Variants in DOK5 observed in about 807,000 individuals in gnomAD.
The protein encoded by DOK5 is docking protein 5.
Under a neutral mutation model 43.3 loss-of-function variants are expected in DOK5, and 27 were observed. The ratio of observed to expected loss-of-function variants is 0.62; its 90% CI spans 0.46 to 0.86. The LOEUF (loss-of-function observed/expected upper bound fraction) is 0.86. Ranked by LOEUF, DOK5 falls within the 40% of genes least tolerant of loss-of-function variation. The pLI, the probability that DOK5 is intolerant of heterozygous loss-of-function variation, is 0.00. For missense variants in DOK5, 373 were observed against 392.9 expected (o/e 0.95, Z 0.43); for synonymous variants, 146 against 140.1 (o/e 1.04, Z -0.30).
At position 54,591,760 on chromosome 20, in the gene DOK5, G is replaced by T; in HGVS notation, c.554G>T (p.Arg185Leu). 6.2e-7 allele frequency: 1 copy of T among 1,614,142 alleles called. No individual in the cohort carries two copies. Among genetic ancestry groups the T allele is most frequent in the Non-Finnish European group, 8.5e-7 (1 of 1,180,018 alleles). ...ATCTCTTGGCCGCTAAGCGCCCTGC[G>T]GCGGTATGGACGTGATACTACGTGG... The part of the protein sequence containing the change: ...KLISWPLSAL[R>L]RYGRDTTWFT... The change falls in exon 5 of 8, where the codon CGG becomes CTG. Residue 185 changes from arginine (R) to leucine (L), a missense_variant. Transcript: ENST00000262593.
intron 6 of DOK5, among the ~76,000 whole-genome samples, chr20:54,613,637 T>A (rs1395677949): frequency 1.3e-5 from 2 of 152,218 alleles, no homozygotes; most frequent in African/African-American, 2.4e-5. Context: ...TCTTTAAATA[T>A]CATCTGCAAC....
At chr20:54,619,495 G>A (rs1383408780) in intron 6 of DOK5, among the ~76,000 whole-genome samples, 1 of 152,172 alleles carries the variant, frequency 6.6e-6, no homozygotes, top group Non-Finnish European at 1.5e-5. Flanking sequence ...TTCCTTCAAG[G>A]CGAGAGCCTC....
intron 2 of DOK5, among the ~76,000 whole-genome samples, chr20:54,585,149 T>C (rs1038088707): frequency 6.7e-6 from 1 of 148,378 alleles, no homozygotes; most frequent in Non-Finnish European, 1.5e-5. Flanking sequence ...CTTGTGTGTG[T>C]TGTGTATGTG....
intron 7 of DOK5, among the ~76,000 whole-genome samples, chr20:54,645,274 G>A (rs1014345694): frequency 1.4e-5 from 2 of 146,330 alleles, no homozygotes; most frequent in East Asian, 4.1e-4. Context: ...AGTCCTCCAT[G>A]CCCGCTCTGA....
chr20:54,511,270 A>G (rs886138842), intron 1 of DOK5, among the ~76,000 whole-genome samples: 1 of 152,196 alleles, frequency 6.6e-6, no homozygotes, highest in Non-Finnish European at 1.5e-5. Context: ...CTGTTGTATC[A>G]AGCAGGATAC....
intron 1 of DOK5, among the ~76,000 whole-genome samples, chr20:54,476,575 G>C (rs1981437072): frequency 6.6e-6 from 1 of 152,112 alleles, no homozygotes; most frequent in Non-Finnish European, 1.5e-5. Flanking sequence ...GGCCAACTTG[G>C]GTAGATACTT....
chr20:54,500,861 C>T (rs1018001115), intron 1 of DOK5, among the ~76,000 whole-genome samples: 2 of 151,998 alleles, frequency 1.3e-5, no homozygotes, highest in Non-Finnish European at 2.9e-5. Context: ...CGCACCCGGC[C>T]GTGTATATTT....
intron 6 of DOK5, among the ~76,000 whole-genome samples, chr20:54,622,941 G>C (rs773538014): frequency 6.6e-6 from 1 of 152,090 alleles, no homozygotes; most frequent in Non-Finnish European, 1.5e-5. Context: ...TTTTTGAAAT[G>C]GTGGTAGCAG....
At chr20:54,647,598 G>T (rs940591233) in intron 7 of DOK5, among the ~76,000 whole-genome samples, 1 of 151,838 alleles carries the variant, frequency 6.6e-6, no homozygotes, top group Non-Finnish European at 1.5e-5. Flanking sequence ...GATTCTTTTA[G>T]GAATGCATTG....
In DOK5 at chr20:54,532,654, C is replaced by T. The variant is rs568275805; in HGVS notation, c.67-22279C>T. 2.0e-5 allele frequency among the ~76,000 whole-genome samples: 3 copies of T among 152,224 alleles called. No homozygotes were observed. The East Asian group carries it at 5.8e-4, about 29-fold the overall frequency. ...TGCCGGGACTGCTGCTGTTCTCAGC[C>T]TCTGTTTTGTTTCTTTTCATACTGA... On this transcript the variant is annotated intron_variant, in intron 1 of 7. Coordinates refer to ENST00000262593, the MANE Select transcript of DOK5 (RefSeq NM_018431.5).
At chr20:54,607,881 TAAAACAAAACAAAAC>T (rs146059505) in intron 5 of DOK5, among the ~76,000 whole-genome samples, 21 of 122,518 alleles carry the variant, frequency 1.7e-4, no homozygotes, top group South Asian at 4.3e-4. Context: ...AGACTCCATC[TAAAACAAAACAAAAC>T]AAAACAAAAC....
intron 5 of DOK5, among the ~76,000 whole-genome samples, chr20:54,607,512 C>T (rs1335592985): frequency 6.6e-6 from 1 of 151,678 alleles, no homozygotes; most frequent in Non-Finnish European, 1.5e-5. Context: ...GTTTTGGTTT[C>T]ATTTGTTTTT....
chr20:54,506,213 G>T lies in DOK5; in HGVS notation c.66+30201G>T, dbSNP rs146009762. On this transcript the variant is annotated intron_variant, in intron 1 of 7. Transcript: ENST00000262593. ...AGGAAGACTTTGATACTTTGACTTG[G>T]TCAACTGCAGGAATGGGATTACCAT... Among the ~76,000 whole-genome samples the T allele has an allele frequency of 9.5e-3, 1,452 of 152,248 alleles. 8 individuals carry two copies. The highest frequency in any genetic ancestry group is 0.061 in the Middle Eastern group (18 of 294).
intron 6 of DOK5, among the ~76,000 whole-genome samples, chr20:54,620,691 A>G (rs1986950382): frequency 6.6e-6 from 1 of 152,184 alleles, no homozygotes; most frequent in Non-Finnish European, 1.5e-5. Flanking sequence ...TTTATTCAAC[A>G]GTAGTGCTTC....
At chr20:54,563,664 G>GTTTTTTTTTTTTTTTTT (rs76886127) in intron 2 of DOK5, among the ~76,000 whole-genome samples, 23 of 114,354 alleles carry the variant, frequency 2.0e-4, no homozygotes, top group South Asian at 2.9e-4. Flanking sequence ...TATTTGTCAG[G>GTTTTTTTTTTTTTTTTT]TTTTTTTTTT....
chr20:54,608,977 C>T (rs1986557181), intron 5 of DOK5, among the ~76,000 whole-genome samples: 1 of 152,120 alleles, frequency 6.6e-6, no homozygotes, highest in Admixed American at 6.6e-5. Flanking sequence ...ACCCAAACTC[C>T]CTCTGTTTCT....
chr20:54,590,530 C>T (rs1985946846), intron 4 of DOK5, among the ~76,000 whole-genome samples: 1 of 151,914 alleles, frequency 6.6e-6, no homozygotes, highest in African/African-American at 2.4e-5. Flanking sequence ...GGGGAATATG[C>T]TCAATTAGAA....
In DOK5 at chr20:54,531,353, C is replaced by T. The variant is rs369250371; in HGVS notation, c.67-23580C>T. Among the ~76,000 whole-genome samples, 51 of 152,256 alleles carry T rather than the reference C, an allele frequency of 3.3e-4. No individual in the cohort carries two copies. In the East Asian group the frequency reaches 8.5e-3, roughly 25 times the overall value. On this transcript the variant is annotated intron_variant, in intron 1 of 7. Transcript: ENST00000262593. ...AAAGCGTCAAGAACCTAGTTTATAG[C>T]CAGGGAAGTCTTTCAATTTTGAGTG...
At chr20:54,612,994 A>G (rs573329175) in intron 6 of DOK5, among the ~76,000 whole-genome samples, 1 of 152,306 alleles carries the variant, frequency 6.6e-6, no homozygotes, top group East Asian at 1.9e-4. Flanking sequence ...TGCTCATAAC[A>G]TGTTCAGCCC....
Sources: allele counts gnomAD v4.1 joint callset (sites outside exome capture counted in the v4.1 genomes callset), GRCh38; gene constraint gnomAD v4.1.1; transcripts MANE v1.5; gene names NCBI Gene and HGNC (gene_info 2026-07-23, HGNC 2026-07-21).